Variants in MASP2 observed in about 807,000 individuals in gnomAD.
The protein encoded by MASP2 is MBL associated serine protease 2.
Under a neutral mutation model 57.1 loss-of-function variants are expected in MASP2, and 49 were observed. The ratio of observed to expected loss-of-function variants is 0.86; its 90% CI spans 0.68 to 1.09. The LOEUF (loss-of-function observed/expected upper bound fraction) is 1.09. Ranked by LOEUF, MASP2 falls within the 50% of genes least tolerant of loss-of-function variation. MASP2 has a pLI of 0.00. For synonymous variants in MASP2, 379 were observed against 340.8 expected (o/e 1.11, Z -1.24); for missense variants, 900 against 874.8 (o/e 1.03, Z -0.36).
Position 11,045,528 on chromosome 1 carries a change from ACTCGTCAATGT to A in MASP2, c.413_423del (p.Asp138ValfsTer35). On this transcript the variant is annotated frameshift_variant and splice_region_variant, in exon 4 of 11. Coordinates refer to ENST00000400897, the MANE Select transcript of MASP2 (RefSeq NM_006610.4). LOFTEE classifies it high-confidence loss of function. ...GGCGCCTCTCCCGGGGCCACCTGGC[ACTCGTCAATGT>A]CTGGGGGAGAGGCAGGGCCAGGCAG... 4.4e-6 allele frequency: 7 copies of A among 1,607,108 alleles called. No individual in the cohort carries two copies. Among genetic ancestry groups the A allele is most frequent in the Non-Finnish European group, 5.9e-6 (7 of 1,178,162 alleles).
chr1:11,030,372 G>A (rs963242425), intron 9 of MASP2, 122 bp from the exon 10 acceptor site: 12 of 673,522 alleles, frequency 1.8e-5, no homozygotes, highest in Non-Finnish European at 5.1e-6. Context: ...GGTGTCTGAA[G>A]AACCATTTTA....
intron 7 of MASP2, among the ~76,000 whole-genome samples, chr1:11,036,526 A>AC (rs1638241324): frequency 3.6e-5 from 5 of 139,092 alleles, no homozygotes; most frequent in African/African-American, 1.5e-4. Context: ...AAAAAAAAAA[A>AC]AAAAAAAAAA....
intron 6 of MASP2, among the ~76,000 whole-genome samples, chr1:11,039,205 C>T (rs538989689): frequency 3.3e-5 from 5 of 152,338 alleles, no homozygotes; most frequent in Admixed American, 1.3e-4. Flanking sequence ...TGCCACAGGG[C>T]TCTGGTTATG....
chr1:11,039,831 C>T lies in MASP2; in HGVS notation c.890-2020G>A, dbSNP rs550511176. Among the ~76,000 whole-genome samples, 44 of 105,394 alleles carry T rather than the reference C, an allele frequency of 4.2e-4. 1 individual carries two copies. The highest frequency in any genetic ancestry group is 1.6e-3 in the African/African-American group (43 of 26,520). 69.1% of individuals were successfully genotyped at this position (105,394 alleles called of 152,430 possible). On this transcript the variant is annotated intron_variant, in intron 6 of 10. Transcript: ENST00000400897. ...GGATAGATAGAAGGATGGGTGGATG[C>T]AAGGATGGGTGGGTGGGTAGGTAGG...
intron 8 of MASP2, among the ~76,000 whole-genome samples, chr1:11,032,540 G>A (rs1341222288): frequency 3.3e-5 from 5 of 151,808 alleles, no homozygotes; most frequent in African/African-American, 4.9e-5. Flanking sequence ...GAACCCAGGA[G>A]GCAGAGGTTT....
At chr1:11,039,778 G>A (rs1022516851) in intron 6 of MASP2, among the ~76,000 whole-genome samples, 11 of 151,336 alleles carry the variant, frequency 7.3e-5, no homozygotes, top group Admixed American at 3.3e-4. Flanking sequence ...GTAGAAGGTC[G>A]GGTGGATGGT....
chr1:11,034,852 C>T lies in MASP2; in HGVS notation c.1063G>A (p.Asp355Asn). The change falls in exon 8 of 11, where the codon GAC (aspartate) becomes AAC (asparagine). Residue 355 changes from aspartate (D) to asparagine (N), a missense_variant. Coordinates refer to ENST00000400897, the MANE Select transcript of MASP2 (RefSeq NM_006610.4). Reference protein sequence around the residue: ...TAVCQKDGSWDRPMPACSIVD... With the variant: ...TAVCQKDGSWNRPMPACSIVD... ...CTGCTGCACGCGGGCATTGGCCGGTCCCAAGATCCATCTTTCTGACAAACT... is the reference window on the plus strand; with the variant it reads ...CTGCTGCACGCGGGCATTGGCCGGTTCCAAGATCCATCTTTCTGACAAACT... 1.2e-6 allele frequency: 2 copies of T among 1,612,946 alleles called. No homozygotes were observed. The highest frequency in any genetic ancestry group is 1.7e-6 in the Non-Finnish European group (2 of 1,179,578).
At chr1:11,042,763 G>T in intron 6 of MASP2, 112 bp downstream of exon 6, 1 of 1,253,372 alleles carries the variant, frequency 8.0e-7, no homozygotes, top group Non-Finnish European at 1.1e-6. Flanking sequence ...TAAACCTGGT[G>T]TCCCTTCCTA....
chr1:11,037,753 G>C lies in MASP2; in HGVS notation c.948C>G (p.Ala316=). The part of the protein sequence containing the change: ...PPNGHVSPVQ[A]KYILKDSFSI... ...AGAAGCTGTCTTTCAGGATGTATTT[G>C]GCTTGCACAGGTGAAACGTGGCCAT... is the stretch of plus-strand genomic sequence containing the variant. Residue 316 remains alanine, a synonymous_variant, in exon 7 of 11, where the codon GCC becomes GCG. Coordinates refer to ENST00000400897, the MANE Select transcript of MASP2 (RefSeq NM_006610.4). 6.2e-7 allele frequency: 1 copy of C among 1,613,396 alleles called. No individual in the cohort carries two copies. Among genetic ancestry groups the C allele is most frequent in the Non-Finnish European group, 8.5e-7 (1 of 1,179,780 alleles).
rs773474969 is a variant in MASP2, at chr1:11,030,190, G to A, written c.1283C>T (p.Pro428Leu). The A allele has an allele frequency of 3.1e-6, 5 of 1,612,512 alleles. No homozygotes were observed. The Admixed American group carries it at 8.4e-5, about 27-fold the overall frequency. The part of the protein sequence containing the change: ...WTSSKGEKSL[P>L]VCEPVCGLSA... ...GTATCCATTACCAGGCTCACAGACT[G>A]GGAGTGATTTTTCTCCTTTGGAGCT... The change falls in exon 10 of 11, where the codon CCA (proline) becomes CTA (leucine). Residue 428 changes from proline (P) to leucine (L), a missense_variant. By Grantham distance (98) the Pro-to-Leu change is moderately conservative. Coordinates refer to ENST00000400897, the MANE Select transcript of MASP2 (RefSeq NM_006610.4).
chr1:11,045,129 C>T (rs1161070624), intron 4 of MASP2: 1 of 745,154 alleles, frequency 1.3e-6, no homozygotes, highest in Non-Finnish European at 2.3e-6. Flanking sequence ...ACCCCCGACT[C>T]TCCCGTGGCT....
At chr1:11,041,411 G>C (rs905353495) in intron 6 of MASP2, among the ~76,000 whole-genome samples, 1 of 139,284 alleles carries the variant, frequency 7.2e-6, no homozygotes, top group Admixed American at 7.1e-5. Flanking sequence ...TGAGTGGATG[G>C]ATGGATGGAT....
In MASP2 at chr1:11,027,234, G is replaced by GATGC. The variant is rs1643752007; in HGVS notation, c.1708_1711dup (p.Ser571CysfsTer14). Reference sequence around the variant, plus strand: ...ACCCCTTTGGGTTAATCCCCATCCAGATGCAGTTCCAATGTCATCTGTCCT... The same window carrying GATGC: ...ACCCCTTTGGGTTAATCCCCATCCAGATGCATGCAGTTCCAATGTCATCTGTCCT... On this transcript the variant is annotated frameshift_variant, in exon 11 of 11. Coordinates refer to ENST00000400897, the MANE Select transcript of MASP2 (RefSeq NM_006610.4). LOFTEE classifies it low-confidence loss of function (END_TRUNC). 3.7e-6 allele frequency: 6 copies of GATGC among 1,614,070 alleles called. No homozygotes were observed. In the East Asian group the frequency reaches 1.3e-4, roughly 36 times the overall value.
chr1:11,042,924 T>A lies in MASP2; in HGVS notation c.840A>T (p.Thr280=), dbSNP rs557850325. ...AGCCTGTGTGGTCTCCTGATTCATC[T>A]GTGACAAAGGTGATGGTCACCGTGT... The part of the protein sequence containing the change: ...KSNTVTITFV[T]DESGDHTGWK... The change falls in exon 6 of 11, where the codon ACA becomes ACT. Residue 280 remains threonine (T), a synonymous_variant. Transcript: ENST00000400897. The A allele has an allele frequency of 6.2e-7, 1 of 1,614,074 alleles. No homozygotes were observed. The highest frequency in any genetic ancestry group is 1.7e-5 in the Admixed American group (1 of 60,018).
chr1:11,030,513 A>C (rs1643826242), intron 9 of MASP2: 1 of 576,292 alleles, frequency 1.7e-6, no homozygotes, highest in Non-Finnish European at 3.0e-6. Context: ...TGTTAAATTA[A>C]ACCATTTGGA....
chr1:11,046,699 C>T lies in MASP2; in HGVS notation c.269G>A (p.Cys90Tyr), dbSNP rs746267601. 9.1e-5 allele frequency: 147 copies of T among 1,613,292 alleles called. 1 individual carries two copies. Among genetic ancestry groups the T allele is most frequent in the Non-Finnish European group, 1.2e-4 (142 of 1,180,004 alleles). ...CTCCGTGTCTGTGCTCTCCTGCCCGCACAGCGTGGCCAGCACCTTGGCCCC... is the reference window on the plus strand; with the variant it reads ...CTCCGTGTCTGTGCTCTCCTGCCCGTACAGCGTGGCCAGCACCTTGGCCCC... ...SSGAKVLATL[C>Y]GQESTDTERA... The change falls in exon 3 of 11, where the codon TGC becomes TAC. Residue 90 changes from cysteine (C) to tyrosine (Y), a missense_variant. Transcript: ENST00000400897.
chr1:11,044,760 C>CA, intron 4 of MASP2: 1 of 1,492,300 alleles, frequency 6.7e-7, no homozygotes, highest in Admixed American at 2.0e-5. Flanking sequence ...ACCCCGCCGC[C>CA]TCCCGACCCT....
intron 4 of MASP2, chr1:11,045,065 C>T (rs2273344): frequency 0.8 from 797,090 of 990,188 alleles, 322,112 homozygotes; most frequent in East Asian, 0.88. Flanking sequence ...AGCACTGGCC[C>T]GTCCCACAGT....
intron 6 of MASP2, among the ~76,000 whole-genome samples, chr1:11,039,383 T>C (rs910613865): frequency 3.5e-5 from 4 of 114,720 alleles, no homozygotes; most frequent in Non-Finnish European, 5.6e-5. Context: ...GATGGATAGA[T>C]TGGTGGATAG....
Sources: gnomAD v4.1 joint callset for allele counts (sites outside exome capture counted in the v4.1 genomes callset) on GRCh38, gnomAD v4.1.1 for gene constraint, MANE v1.5 for transcripts, NCBI Gene and HGNC (gene_info 2026-07-23, HGNC 2026-07-21) for gene names.